The following ROBO1 variants were observed in gnomAD, a reference collection of about 807,000 sequenced individuals.
ROBO1 encodes the protein roundabout homolog 1.
Under a neutral mutation model 195.9 loss-of-function variants are expected in ROBO1, and 149 were observed. That is an observed-to-expected ratio of 0.76 (90% CI 0.67 to 0.87). The LOEUF is 0.87. ROBO1 is among the 40% of genes least tolerant of loss of function. The pLI, the probability that ROBO1 is intolerant of heterozygous loss-of-function variation, is 0.00. For missense variants in ROBO1, 1,933 were observed against 2,068.3 expected, an observed-to-expected ratio of 0.93 and a Z score of 1.27; for synonymous variants, 816 against 733.2, an observed-to-expected ratio of 1.11 and a Z score of -1.82.
At chr3:79,304,404 A>C (rs1164061704) in intron 2 of ROBO1, among the ~76,000 whole-genome samples, 2 of 152,198 alleles carry the variant, frequency 1.3e-5, no homozygotes, top group African/African-American at 2.4e-5. Flanking sequence ...GCGGCTATTT[A>C]AAGTGTGTAA....
intron 4 of ROBO1, among the ~76,000 whole-genome samples, chr3:78,872,125 T>C (rs2035587344): frequency 6.6e-6 from 1 of 152,196 alleles, no homozygotes; most frequent in Non-Finnish European, 1.5e-5. Context: ...ATATCACTGT[T>C]TTCTGAGACT....
At chr3:79,460,519 T>G (rs1937596031) in intron 2 of ROBO1, among the ~76,000 whole-genome samples, 1 of 152,220 alleles carries the variant, frequency 6.6e-6, no homozygotes, top group Admixed American at 6.5e-5. Context: ...CTATTAAAAT[T>G]TAATGATCCT....
chr3:79,615,945 A>G (rs1437123053), intron 1 of ROBO1, among the ~76,000 whole-genome samples: 2 of 152,194 alleles, frequency 1.3e-5, no homozygotes, highest in Non-Finnish European at 2.9e-5. Flanking sequence ...GGCCCAAGGG[A>G]AAAACTGAAT....
rs1472325063 is a variant in ROBO1, at chr3:78,904,710, A to ATATATG, written c.499+33885_499+33890dup. On this transcript the variant is annotated intron_variant, in intron 4 of 30. Coordinates refer to ENST00000464233, the MANE Select transcript of ROBO1 (RefSeq NM_002941.4). ...CGTATACATATGTATATATGTATAT[A>ATATATG]TATATGTATATGTATATATATGCAT... Among the ~76,000 whole-genome samples the ATATATG allele has an allele frequency of 8.1e-5, 12 of 147,408 alleles. No individual in the cohort carries two copies. The East Asian group carries it at 2.3e-3, about 29-fold the overall frequency.
chr3:79,575,369 AAT>A (rs1464902644), intron 2 of ROBO1, among the ~76,000 whole-genome samples: 2 of 128,132 alleles, frequency 1.6e-5, no homozygotes, highest in Non-Finnish European at 3.1e-5. Context: ...GTATATAACA[AAT>A]ATATATAAAT....
At chr3:79,506,834 T>C (rs1940424804) in intron 2 of ROBO1, among the ~76,000 whole-genome samples, 1 of 152,248 alleles carries the variant, frequency 6.6e-6, no homozygotes, top group Non-Finnish European at 1.5e-5. Flanking sequence ...AACTTACATA[T>C]TAGGTATGTG....
rs191009487 is a variant in ROBO1, at chr3:79,190,756, C to T, written c.89-65217G>A. ...AAATTAAAACTTATCAAATGTCTCG[C>T]ATCTCTAAGCTTTTTAAAAAAATGT... is the stretch of plus-strand genomic sequence containing the variant. On this transcript the variant is annotated intron_variant, in intron 2 of 30. Transcript: ENST00000464233. Among the ~76,000 whole-genome samples, 11 of 151,712 alleles carry T rather than the reference C, an allele frequency of 7.3e-5. No homozygotes were observed. In the East Asian group the frequency reaches 1.9e-3, roughly 27 times the overall value.
chr3:79,529,213 T>A (rs1941551363), intron 2 of ROBO1, among the ~76,000 whole-genome samples: 1 of 152,212 alleles, frequency 6.6e-6, no homozygotes, highest in South Asian at 2.1e-4. Context: ...CCAGGTACAG[T>A]GGCTCATGCC....
At chr3:79,456,871 G>A (rs986413922) in intron 2 of ROBO1, among the ~76,000 whole-genome samples, 1 of 151,990 alleles carries the variant, frequency 6.6e-6, no homozygotes, top group Non-Finnish European at 1.5e-5. Context: ...CCTAAATACA[G>A]ACATTTCTCC....
intron 5 of ROBO1, among the ~76,000 whole-genome samples, chr3:78,743,417 C>T (rs1273110617): frequency 1.3e-5 from 2 of 152,254 alleles, no homozygotes; most frequent in East Asian, 3.9e-4. Flanking sequence ...TCTAACTCTC[C>T]TCCTTTCTCA....
At chr3:79,273,980 T>C (rs1049521764) in intron 2 of ROBO1, among the ~76,000 whole-genome samples, 2 of 151,964 alleles carry the variant, frequency 1.3e-5, no homozygotes, top group East Asian at 3.9e-4. Context: ...TTTAAATATA[T>C]ATGTACCCAA....
intron 3 of ROBO1, among the ~76,000 whole-genome samples, chr3:79,023,160 G>GTA (rs2078134924): frequency 2.0e-5 from 3 of 151,486 alleles, no homozygotes; most frequent in Admixed American, 2.0e-4. Context: ...GAGAAGCAGT[G>GTA]ACACATGCAA....
chr3:79,627,447 T>C (rs1467786537), intron 1 of ROBO1, among the ~76,000 whole-genome samples: 1 of 152,116 alleles, frequency 6.6e-6, no homozygotes, highest in Non-Finnish European at 1.5e-5. Flanking sequence ...TGGCTAGCCA[T>C]ATGCAGGAAA....
At chr3:78,677,974 C>G (rs1401379410) in intron 10 of ROBO1, among the ~76,000 whole-genome samples, 1 of 151,776 alleles carries the variant, frequency 6.6e-6, no homozygotes, top group Non-Finnish European at 1.5e-5. Context: ...AACAAACTGT[C>G]TCTCAGACCA....
chr3:78,679,617 C>A (rs1404050970), intron 10 of ROBO1, among the ~76,000 whole-genome samples: 1 of 152,010 alleles, frequency 6.6e-6, no homozygotes, highest in Non-Finnish European at 1.5e-5. Context: ...ATCCAACTTA[C>A]AAGGGATGTG....
At chr3:79,580,930 G>GA (rs1943641284) in intron 2 of ROBO1, among the ~76,000 whole-genome samples, 1 of 152,096 alleles carries the variant, frequency 6.6e-6, no homozygotes, top group Non-Finnish European at 1.5e-5. Context: ...TTCAGCAATG[G>GA]AAACGTTTTC....
rs555167728 is a variant in ROBO1, at chr3:79,593,788, A to T, written c.-50-3827T>A. 2.5e-3 allele frequency among the ~76,000 whole-genome samples: 378 copies of T among 151,254 alleles called. 1 individual carries two copies. The highest frequency in any genetic ancestry group is 3.9e-3 in the Non-Finnish European group (267 of 67,668). On this transcript the variant is annotated intron_variant, in intron 1 of 30. Transcript: ENST00000464233. ...ACAACGCCTGGCTAATTTTTTAAAT[A>T]TTTTTTTTGGTAGAGACAGGATTTT...
At chr3:78,709,659 A>G (rs558656022) in intron 8 of ROBO1, among the ~76,000 whole-genome samples, 1 of 152,330 alleles carries the variant, frequency 6.6e-6, no homozygotes, top group African/African-American at 2.4e-5. Flanking sequence ...AACAGGGTGC[A>G]ACCTCATATT....
intron 2 of ROBO1, among the ~76,000 whole-genome samples, chr3:79,437,537 A>G (rs927688286): frequency 3.3e-5 from 5 of 152,048 alleles, no homozygotes; most frequent in African/African-American, 1.2e-4. Flanking sequence ...AAACTTACAC[A>G]AATGATAATC....
Sources: allele counts gnomAD v4.1 joint callset (sites outside exome capture counted in the v4.1 genomes callset), GRCh38; gene constraint gnomAD v4.1.1; transcripts MANE v1.5; gene names NCBI Gene and HGNC (gene_info 2026-07-23, HGNC 2026-07-21).